The following PCMT1 variants were observed in gnomAD, a reference collection of about 807,000 sequenced individuals.
PCMT1 encodes the protein protein-L-isoaspartate(D-aspartate) O-methyltransferase.
Under a neutral mutation model 29.2 loss-of-function variants are expected in PCMT1, and 9 were observed. That is an observed-to-expected ratio of 0.31 (90% CI 0.19 to 0.54). PCMT1 has a LOEUF of 0.54. PCMT1 is among the 20% of genes least tolerant of loss of function. PCMT1 has a pLI of 0.95. For missense variants in PCMT1, 184 were observed against 282.2 expected, an observed-to-expected ratio of 0.65 and a Z score of 2.49; for synonymous variants, 98 against 97.5, an observed-to-expected ratio of 1.00 and a Z score of -0.03.
At chr6:149,773,100 C>T (rs762509687) in intron 2 of PCMT1, 38 bp from the exon 3 acceptor site, 22 of 1,515,646 alleles carry the variant, frequency 1.5e-5, no homozygotes, top group African/African-American at 2.8e-5. Flanking sequence ...TATATTTTTA[C>T]AGCTGACTGT....
intron 3 of PCMT1, among the ~76,000 whole-genome samples, chr6:149,787,678 C>G (rs983039151): frequency 4.0e-5 from 6 of 151,452 alleles, no homozygotes; most frequent in South Asian, 2.1e-4. Flanking sequence ...GTTTTTAAAT[C>G]TTTGACATAA....
chr6:149,787,766 G>A (rs1323214344), intron 3 of PCMT1, among the ~76,000 whole-genome samples: 1 of 152,076 alleles, frequency 6.6e-6, no homozygotes, highest in Non-Finnish European at 1.5e-5. Context: ...CATTGGTAAA[G>A]CAAATCTCAC....
chr6:149,756,493 T>TGCACACCACCA (rs1450623976), intron 1 of PCMT1, among the ~76,000 whole-genome samples: 2 of 142,642 alleles, frequency 1.4e-5, no homozygotes, highest in Admixed American at 7.3e-5. Flanking sequence ...GGACTACAGA[T>TGCACACCACCA]GCACACCACC....
intron 4 of PCMT1, among the ~76,000 whole-genome samples, chr6:149,790,495 G>A (rs1325713753): frequency 1.3e-5 from 2 of 149,970 alleles, no homozygotes; most frequent in Non-Finnish European, 3.0e-5. Flanking sequence ...GAAAAGAATA[G>A]AATAAGCCTG....
chr6:149,777,772 CTTTCTTTCT>C (rs1316850755), intron 3 of PCMT1, among the ~76,000 whole-genome samples: 6 of 151,774 alleles, frequency 4.0e-5, no homozygotes, highest in African/African-American at 7.3e-5. Flanking sequence ...CAATTCCTTC[CTTTCTTTCT>C]TTGCTTTCTT....
intron 1 of PCMT1, among the ~76,000 whole-genome samples, chr6:149,760,871 G>C (rs989147574): frequency 6.6e-6 from 1 of 151,974 alleles, no homozygotes; most frequent in East Asian, 1.9e-4. Flanking sequence ...AAAACAAAAA[G>C]AGCATGTTCT....
At chr6:149,766,635 G>A (rs562522345) in intron 1 of PCMT1, among the ~76,000 whole-genome samples, 49 of 152,346 alleles carry the variant, frequency 3.2e-4, no homozygotes, top group African/African-American at 4.8e-4. Flanking sequence ...TTGCATCACA[G>A]TGGTAGTGCT....
At chr6:149,793,317 G>T (rs1053548929) in intron 4 of PCMT1, among the ~76,000 whole-genome samples, 1 of 152,022 alleles carries the variant, frequency 6.6e-6, no homozygotes, top group African/African-American at 2.4e-5. Flanking sequence ...ATCTAAGAAA[G>T]ATATAATTTT....
chr6:149,772,218 G>C (rs1787357096), intron 2 of PCMT1: 1 of 385,184 alleles, frequency 2.6e-6, no homozygotes, highest in Non-Finnish European at 5.1e-6. Context: ...ACCGCTCAGT[G>C]AAACTTGCTT....
intron 1 of PCMT1, among the ~76,000 whole-genome samples, chr6:149,753,090 G>T (rs924795591): frequency 3.3e-5 from 5 of 152,020 alleles, no homozygotes; most frequent in African/African-American, 1.2e-4. Flanking sequence ...TCTTGCTGAG[G>T]TAATTCTAGC....
chr6:149,795,194 A>T, intron 5 of PCMT1: 2 of 44,840 alleles, frequency 4.5e-5, no homozygotes, highest in Non-Finnish European at 6.3e-5. Context: ...ACTTCGTCTC[A>T]AAAAAAAAAA....
At chr6:149,751,566 C>T (rs1266407404) in intron 1 of PCMT1, among the ~76,000 whole-genome samples, 1 of 150,548 alleles carries the variant, frequency 6.6e-6, no homozygotes, top group Non-Finnish European at 1.5e-5. Context: ...ACTGCAACCT[C>T]CGCCTCCCAG....
chr6:149,802,607 CT>C, intron 7 of PCMT1, 191 bp downstream of exon 7: 3 of 706,292 alleles, frequency 4.2e-6, no homozygotes, highest in Non-Finnish European at 5.7e-6. Context: ...GGCACAAAGG[CT>C]TTTTTTGTTT....
chr6:149,790,598 C>CAGGG (rs1255425465), intron 4 of PCMT1, among the ~76,000 whole-genome samples: 1 of 149,688 alleles, frequency 6.7e-6, no homozygotes, highest in Non-Finnish European at 1.5e-5. Context: ...TCTCATGGTG[C>CAGGG]AGGGACCCTG....
chr6:149,751,812 T>C (rs909598640), intron 1 of PCMT1, among the ~76,000 whole-genome samples: 1 of 151,826 alleles, frequency 6.6e-6, no homozygotes, highest in Non-Finnish European at 1.5e-5. Flanking sequence ...TTGGATTTTT[T>C]TTTGGTGGGG....
chr6:149,775,213 T>C (rs1452003788), intron 3 of PCMT1, among the ~76,000 whole-genome samples: 3 of 152,286 alleles, frequency 2.0e-5, no homozygotes, highest in Middle Eastern at 3.4e-3. Context: ...AACTTAATAC[T>C]AATATAAATT....
At chr6:149,754,363 C>T (rs9766004) in intron 1 of PCMT1, among the ~76,000 whole-genome samples, 66,539 of 151,926 alleles carry the variant, frequency 0.44, 15,602 homozygotes, top group East Asian at 0.81. Context: ...AATTTGAAAC[C>T]GTGAGCCTGC....
chr6:149,757,956 C>T (rs890187688), intron 1 of PCMT1, among the ~76,000 whole-genome samples: 1 of 152,110 alleles, frequency 6.6e-6, no homozygotes, highest in African/African-American at 2.4e-5. Flanking sequence ...GATCTTGGCT[C>T]ACTGCAACCT....
rs1433711710 is a variant in PCMT1, at chr6:149,793,659, A to G, written c.408A>G (p.Val136=). The G allele has an allele frequency of 1.9e-6, 3 of 1,542,238 alleles. 1 individual carries two copies. Among genetic ancestry groups the G allele is most frequent in the Middle Eastern group, 3.4e-4 (2 of 5,904 alleles). The part of the protein sequence containing the change: ...DDPTLLSSGR[V]QLVVGDGRMG... ...CAACACTTCTGTCTTCAGGGAGAGT[A>G]CAGCTTGTTGGTAAGTATCAGAAAA... The change falls in exon 5 of 8, where the codon GTA becomes GTG. Residue 136 remains valine (V), a synonymous_variant. Coordinates refer to ENST00000464889, the MANE Select transcript of PCMT1 (RefSeq NM_001360452.2).
Sources: gnomAD v4.1 joint callset for allele counts (sites outside exome capture counted in the v4.1 genomes callset) on GRCh38, gnomAD v4.1.1 for gene constraint, MANE v1.5 for transcripts, NCBI Gene and HGNC (gene_info 2026-07-23, HGNC 2026-07-21) for gene names.